RALGDS: variants seen among roughly 807,000 people sequenced by gnomAD.
The protein encoded by RALGDS is ral guanine nucleotide dissociation stimulator.
A neutral mutation model predicts 99.8 loss-of-function variants in RALGDS; 44 were observed. That is an observed-to-expected ratio of 0.44 (90% CI 0.35 to 0.57). RALGDS has a LOEUF of 0.57. RALGDS is among the 20% of genes least tolerant of loss of function. The pLI is 0.01. For missense variants in RALGDS, 1,022 were observed against 1,203.1 expected, an observed-to-expected ratio of 0.85 and a Z score of 2.23; for synonymous variants, 529 against 505.0, an observed-to-expected ratio of 1.05 and a Z score of -0.64.
Position 133,102,146 on chromosome 9 carries a change from G to C in RALGDS, c.2010-7C>G. The C allele has an allele frequency of 1.9e-6, 3 of 1,559,642 alleles. No homozygotes were observed. Among genetic ancestry groups the C allele is most frequent in the Non-Finnish European group, 2.6e-6 (3 of 1,150,566 alleles). On this transcript the variant is annotated splice_polypyrimidine_tract_variant and splice_region_variant and intron_variant, in intron 14 of 17. Transcript: ENST00000372050. ...AGTGCTGGGGGCCTGGCGGCTGGGT[G>C]AAGAGTTGGCTTAGTTAAGGGGGCT...
In RALGDS at chr9:133,101,720, T is replaced by C; in HGVS notation, c.2254A>G (p.Ile752Val). 6.2e-7 allele frequency: 1 copy of C among 1,613,706 alleles called. No individual in the cohort carries two copies. Among genetic ancestry groups the C allele is most frequent in the Non-Finnish European group, 8.5e-7 (1 of 1,179,822 alleles). ...GAGGTGCTGCTGGAGGCTGAGCTGA[T>C]GCCGGAGGTCTCCGGGGATGACTGT... ...ASQSSPETSG[I>V]SSASSSTSSS... The change falls in exon 16 of 18, where the codon ATC (isoleucine) becomes GTC (valine). Residue 752 changes from isoleucine (I) to valine (V), a missense_variant. Physicochemically the swap from Ile to Val is conservative, Grantham distance 29 (BLOSUM62 3). Transcript: ENST00000372050.
At chr9:133,110,820 G>A (rs563605799) in intron 2 of RALGDS, among the ~76,000 whole-genome samples, 1 of 152,048 alleles carries the variant, frequency 6.6e-6, no homozygotes, top group African/African-American at 2.4e-5. Context: ...AGTAGCTTAC[G>A]CCTGTCATCC....
rs746740563 is a variant in RALGDS, at chr9:133,102,740, G to A, written c.1913+39C>T. ...CCTCTGGAGCTGGCCCCCTAGGACA[G>A]CCTGCCCCCACTGTCCCCATTTGCT... On this transcript the variant is annotated intron_variant, in intron 13 of 17. Transcript: ENST00000372050. The A allele has an allele frequency of 2.2e-5, 36 of 1,605,246 alleles. No homozygotes were observed. The South Asian group carries it at 3.5e-4, about 16-fold the overall frequency.
intron 9 of RALGDS, 24 bp downstream of exon 9, chr9:133,105,890 AGCCCCCGCCCCAGCCCCC>A (rs1564232261): frequency 1.5e-4 from 3 of 19,892 alleles, no homozygotes; most frequent in African/African-American, 4.7e-4. Context: ...CCCCCGCCCC[AGCCCCCGCCCCAGCCCCC>A]GCCCCAGCCT....
At chr9:133,103,332 T>C (rs1470363911) in intron 11 of RALGDS, 70 bp from the exon 12 acceptor site, 1 of 1,593,330 alleles carries the variant, frequency 6.3e-7, no homozygotes, top group African/African-American at 1.3e-5. Flanking sequence ...CACCTCATGC[T>C]GCACTATCAA....
chr9:133,144,699 TTCCG>T lies in RALGDS; in HGVS notation c.18+4260_18+4263del, dbSNP rs1448950319. ...CTGGGGGCTGGGTTCCTGCGATGTC[TTCCG>T]ACTCCCCGCTGCTCCCCTAGTCCCC... is the stretch of plus-strand genomic sequence containing the variant. On this transcript the variant is annotated intron_variant, in intron 1 of 17. Transcript: ENST00000393160. The surrounding 1 kb of genome is among the most constrained non-coding windows in gnomAD (Gnocchi z 4.5). Among the ~76,000 whole-genome samples the T allele has an allele frequency of 6.6e-6, 1 of 152,226 alleles. No homozygotes were observed. Among genetic ancestry groups the T allele is most frequent in the Non-Finnish European group, 1.5e-5 (1 of 68,028 alleles).
At chr9:133,106,541 CCTGCCCTCAGGGTT>C in intron 8 of RALGDS, 90 bp downstream of exon 8, 1 of 868,372 alleles carries the variant, frequency 1.2e-6, no homozygotes, top group Non-Finnish European at 1.9e-6. Context: ...GTGAAGGGTC[CCTGCCCTCAGGGTT>C]TGTGGCCTCC....
In RALGDS at chr9:133,103,495, T is replaced by A. The variant is rs11243998; in HGVS notation, c.1759-233A>T. 5.7e-3 allele frequency among the ~76,000 whole-genome samples: 862 copies of A among 152,222 alleles called. 15 individuals are homozygous for A. Among genetic ancestry groups the A allele is most frequent in the East Asian group, 0.02 (102 of 5,182 alleles). The stretch of plus-strand genomic sequence containing the variant: ...GAGGCCTTGGGTGAGAAGGCCCTGC[T>A]CAGCCACCACGTGCCGCCTGACCGC... On this transcript the variant is annotated intron_variant, in intron 11 of 17. Coordinates refer to ENST00000372050, the MANE Select transcript of RALGDS (RefSeq NM_006266.4).
At position 133,106,701 on chromosome 9, in the gene RALGDS, A is replaced by C. The variant is rs2073822; in HGVS notation, c.1461T>G (p.Ser487=). The C allele has an allele frequency of 0.28, 444,324 of 1,611,186 alleles. 64,145 individuals carry two copies. Among genetic ancestry groups the C allele is most frequent in the Middle Eastern group, 0.34 (2,040 of 6,056 alleles). ...GGTGGATGGAGTTGCTCTGCAGGGCAGAGAGGATGGCATACAGTGACGAGA... is the reference window on the plus strand; with the variant it reads ...GGTGGATGGAGTTGCTCTGCAGGGCCGAGAGGATGGCATACAGTGACGAGA... ...KNFSSLYAIL[S]ALQSNSIHRL... The change falls in exon 8 of 18, where the codon TCT becomes TCG. Residue 487 remains serine, a synonymous_variant. Coordinates refer to ENST00000372050, the MANE Select transcript of RALGDS (RefSeq NM_006266.4).
chr9:133,144,132 C>G lies in RALGDS; in HGVS notation c.18+4831G>C, dbSNP rs560765832. On this transcript the variant is annotated intron_variant, in intron 1 of 17. Coordinates refer to the RALGDS transcript ENST00000393160. The surrounding 1 kb of genome is among the most constrained non-coding windows in gnomAD (Gnocchi z 4.5). ...CCCACCCGTGCCCAGGGCTGCCTTCCGAGCACCCGCAGACCTGGGCCTGCA... is the reference window on the plus strand; with the variant it reads ...CCCACCCGTGCCCAGGGCTGCCTTCGGAGCACCCGCAGACCTGGGCCTGCA... 3.3e-5 allele frequency among the ~76,000 whole-genome samples: 5 copies of G among 152,128 alleles called. No individual in the cohort carries two copies. The highest frequency in any genetic ancestry group is 6.5e-5 in the Admixed American group (1 of 15,282).
Position 133,148,972 on chromosome 9 carries a change from T to C in RALGDS, c.9A>G (p.Val3=), listed in dbSNP as rs769485884. The change falls in exon 1 of 18, where the codon GTA becomes GTG. Residue 3 remains valine (V), a synonymous_variant. Transcript: ENST00000393160. ...GACGGCGCGCACTCACCTGGCAATC[T>C]ACCATCATCCTCAGCCTCGGTGGCA... is the stretch of plus-strand genomic sequence containing the variant. 3 of 1,598,758 alleles carry C rather than the reference T, an allele frequency of 1.9e-6. No individual in the cohort carries two copies. In the South Asian group the frequency reaches 3.4e-5, roughly 18 times the overall value.
chr9:133,102,044 TC>T lies in RALGDS; in HGVS notation c.2104del (p.Asp702ThrfsTer118). Reference protein sequence around the residue: ...LRCGPYLSSGDIADALSVHSA... With the variant: ...LRCGPYLSSGXIADALSVHSA... Reference sequence around the variant, plus strand: ...GTGCACGCTGAGCGCGTCAGCGATGTCCCCGCTGCTGAGGTAGGGGCCACAC... The same window carrying T: ...GTGCACGCTGAGCGCGTCAGCGATGTCCCGCTGCTGAGGTAGGGGCCACAC... On this transcript the variant is annotated frameshift_variant, in exon 15 of 18. Transcript: ENST00000372050. LOFTEE classifies it high-confidence loss of function. 6.4e-7 allele frequency: 1 copy of T among 1,559,380 alleles called. No individual in the cohort carries two copies. The highest frequency in any genetic ancestry group is 8.7e-7 in the Non-Finnish European group (1 of 1,151,284).
chr9:133,105,961 AGTT>A lies in RALGDS; in HGVS notation c.1570_1572del (p.Asn524del), dbSNP rs751165847. On this transcript the variant is annotated inframe_deletion, in exon 9 of 18. Transcript: ENST00000372050. The stretch of plus-strand genomic sequence containing the variant: ...ATGAGCAGCTCCCGGCTCAATGAGT[AGTT>A]GTTCTCATCTGAGAAGATCTCTGAC... 37 of 1,603,758 alleles carry A rather than the reference AGTT, an allele frequency of 2.3e-5. No individual in the cohort carries two copies. The highest frequency in any genetic ancestry group is 2.7e-5 in the African/African-American group (2 of 73,000).
rs1830803027 is a variant in RALGDS at position 133,102,461 on chromosome 9, TG to T, written c.2009+14del. ...CCAAGGCAGCTGCCCCTACCACCCT[TG>T]GCCAGGCCCTTACTCGCTCCAGCGC... On this transcript the variant is annotated intron_variant, in intron 14 of 17. Coordinates refer to ENST00000372050, the MANE Select transcript of RALGDS (RefSeq NM_006266.4). 1 of 1,612,192 alleles carries T rather than the reference TG, an allele frequency of 6.2e-7. No individual in the cohort carries two copies.
intron 15 of RALGDS, 22 bp from the exon 16 acceptor site, chr9:133,101,784 G>A: frequency 1.9e-6 from 3 of 1,584,592 alleles, no homozygotes; most frequent in Non-Finnish European, 2.6e-6. Flanking sequence ...GGTAAGATCA[G>A]CAGATCCCAC....
intron 1 of RALGDS, among the ~76,000 whole-genome samples, chr9:133,148,494 C>T (rs1304490501): frequency 2.6e-5 from 4 of 151,676 alleles, no homozygotes; most frequent in African/African-American, 7.3e-5. Context: ...TTTCTTCTTT[C>T]CCCCAGTCAC....
At chr9:133,100,899 T>A (rs1830724779) in intron 16 of RALGDS, 1 of 1,048,160 alleles carries the variant, frequency 9.5e-7, no homozygotes. Context: ...CTCCTGGCAA[T>A]GAGGGGTCAG....
upstream of RALGDS, among the ~76,000 whole-genome samples, chr9:133,133,224 C>T (rs561069248): frequency 2.8e-4 from 43 of 152,344 alleles, no homozygotes; most frequent in Middle Eastern, 6.8e-3. Context: ...CTCCTCCTTT[C>T]GGAGCCAGGG....
rs141468667 is a variant in RALGDS at position 133,102,025 on chromosome 9, G to A, written c.2124C>T (p.Ser708=). The A allele has an allele frequency of 4.2e-5, 66 of 1,554,568 alleles. No homozygotes were observed. Among genetic ancestry groups the A allele is most frequent in the Admixed American group, 1.6e-4 (8 of 51,256 alleles). ...AGCTAGAGGAGCCGGCCGAGTGCAC[G>A]CTGAGCGCGTCAGCGATGTCCCCGC... The part of the protein sequence containing the change: ...LSSGDIADAL[S]VHSAGSSSSD... The change falls in exon 15 of 18, where the codon AGC becomes AGT. Residue 708 remains serine, a synonymous_variant. Coordinates refer to ENST00000372050, the MANE Select transcript of RALGDS (RefSeq NM_006266.4).
Sources: gnomAD v4.1 joint callset for allele counts (sites outside exome capture counted in the v4.1 genomes callset) on GRCh38, gnomAD v4.1.1 for gene constraint, Gnocchi (gnomAD v3.1) non-coding constraint, MANE v1.5 for transcripts, NCBI Gene and HGNC (gene_info 2026-07-23, HGNC 2026-07-21) for gene names.